ASTN1: variants seen among roughly 807,000 people sequenced by gnomAD.
ASTN1 encodes the protein astrotactin 1, also known as astrotactin-1.
A neutral mutation model predicts 140.7 loss-of-function variants in ASTN1; 41 were observed. The observed-to-expected ratio is 0.29, with a 90% CI of 0.23 to 0.38. The LOEUF (loss-of-function observed/expected upper bound fraction) is 0.38. ASTN1 is among the 10% of genes least tolerant of loss of function. The pLI is 1.00. For missense variants in ASTN1, 1,479 were observed against 1,678.8 expected, an observed-to-expected ratio of 0.88 and a Z score of 2.08; for synonymous variants, 640 against 652.2, an observed-to-expected ratio of 0.98 and a Z score of 0.29.
At chr1:177,113,772 A>C (rs1410403214) in intron 1 of ASTN1, among the ~76,000 whole-genome samples, 1 of 152,228 alleles carries the variant, frequency 6.6e-6, no homozygotes, top group Non-Finnish European at 1.5e-5. Flanking sequence ...TGCCCTGCAC[A>C]AACAGCTTAT....
chr1:176,866,772 G>T (rs576901233), intron 22 of ASTN1, among the ~76,000 whole-genome samples: 14 of 152,262 alleles, frequency 9.2e-5, no homozygotes, highest in African/African-American at 3.4e-4. Context: ...TCAATCTGGA[G>T]GCGTCATCAA....
intron 1 of ASTN1, among the ~76,000 whole-genome samples, chr1:177,064,997 A>T (rs567602922): frequency 1.3e-5 from 2 of 152,326 alleles, no homozygotes; most frequent in Admixed American, 6.5e-5. Flanking sequence ...ATATCTCAAG[A>T]AGAGGAAATG....
At chr1:177,148,640 T>C (rs916847353) in intron 1 of ASTN1, among the ~76,000 whole-genome samples, 3 of 151,728 alleles carry the variant, frequency 2.0e-5, no homozygotes, top group Non-Finnish European at 4.4e-5. Flanking sequence ...CTTTTTTTTT[T>C]AATGCACTAG....
rs546070672 is a variant in ASTN1, at chr1:176,939,470, A to G, written c.2378-3100T>C. 6.6e-5 allele frequency among the ~76,000 whole-genome samples: 10 copies of G among 152,312 alleles called. No individual in the cohort carries two copies. The South Asian group carries it at 1.7e-3, about 25-fold the overall frequency. On this transcript the variant is annotated intron_variant, in intron 14 of 22. Transcript: ENST00000361833. Reference sequence around the variant, plus strand: ...CACACCATAGTCAGGGAACACTTACATAACTGTTAATGCTTGGAAGTGTTT... The same window carrying G: ...CACACCATAGTCAGGGAACACTTACGTAACTGTTAATGCTTGGAAGTGTTT...
chr1:176,982,534 A>G (rs1385424792), intron 8 of ASTN1, among the ~76,000 whole-genome samples: 2 of 152,164 alleles, frequency 1.3e-5, no homozygotes, highest in Non-Finnish European at 2.9e-5. Flanking sequence ...TCTCGGGTCT[A>G]CAACCTACCA....
chr1:176,862,726 A>C lies in ASTN1; in HGVS notation c.*1558T>G, dbSNP rs1668008476. On this transcript the variant is annotated 3_prime_UTR_variant, in exon 23 of 23. Transcript: ENST00000361833. Reference sequence around the variant, plus strand: ...ACACTAAAATGGAGACAAGAATAGCACTTTCCTCAGGAGTTGCTGTGAGAA... The same window carrying C: ...ACACTAAAATGGAGACAAGAATAGCCCTTTCCTCAGGAGTTGCTGTGAGAA... 1.1e-6 allele frequency: 1 copy of C among 923,642 alleles called. No homozygotes were observed. Among genetic ancestry groups the C allele is most frequent in the African/African-American group, 1.8e-5 (1 of 55,906 alleles). 57.2% of individuals were successfully genotyped at this position (923,642 alleles called of 1,614,324 possible).
At chr1:177,068,063 G>T (rs1260148963) in intron 1 of ASTN1, among the ~76,000 whole-genome samples, 3 of 152,178 alleles carry the variant, frequency 2.0e-5, no homozygotes, top group Non-Finnish European at 4.4e-5. Flanking sequence ...TTGATGGTTT[G>T]CCTGAAGTTT....
chr1:177,081,660 T>A (rs1184676924), intron 1 of ASTN1, among the ~76,000 whole-genome samples: 1 of 152,082 alleles, frequency 6.6e-6, no homozygotes, highest in Non-Finnish European at 1.5e-5. Context: ...GCAGGGTGCC[T>A]TCTGAAGACA....
At chr1:176,911,840 C>T (rs977442446) in intron 16 of ASTN1, among the ~76,000 whole-genome samples, 2 of 152,212 alleles carry the variant, frequency 1.3e-5, no homozygotes, top group Non-Finnish European at 2.9e-5. Flanking sequence ...GTATTACGTA[C>T]TGTACATAAT....
chr1:176,882,083 G>A (rs530450103), intron 20 of ASTN1, among the ~76,000 whole-genome samples: 21 of 152,170 alleles, frequency 1.4e-4, no homozygotes, highest in Non-Finnish European at 2.1e-4. Flanking sequence ...ACATCTCTGC[G>A]TCACAAACAT....
intron 22 of ASTN1, among the ~76,000 whole-genome samples, chr1:176,868,137 A>C (rs1224426202): frequency 2.6e-5 from 4 of 152,176 alleles, no homozygotes; most frequent in African/African-American, 7.2e-5. Flanking sequence ...TATCTATCCA[A>C]AAATTTCAGT....
Position 177,103,774 on chromosome 1 carries a change from T to C in ASTN1, c.284-42509A>G, listed in dbSNP as rs564839351. On this transcript the variant is annotated intron_variant, in intron 1 of 22. Transcript: ENST00000361833. ...GAACCAGCCCCTGAAAAGTGGGTAT[T>C]ATCATTTTTAAAGAAATGAGGGTTA... Among the ~76,000 whole-genome samples the C allele has an allele frequency of 7.9e-5, 12 of 152,224 alleles. No homozygotes were observed. The East Asian group carries it at 2.1e-3, about 27-fold the overall frequency.
rs552709958 is a variant in ASTN1, at chr1:176,882,775, G to C, written c.3362+84C>G. ...CAACATGTTTTGCTGAGTCTCTAAAGGAACTCAAGTAGCAAGAAGAAACCG... is the reference window on the plus strand; with the variant it reads ...CAACATGTTTTGCTGAGTCTCTAAACGAACTCAAGTAGCAAGAAGAAACCG... On this transcript the variant is annotated intron_variant, in intron 20 of 22. Coordinates refer to ENST00000361833, the MANE Select transcript of ASTN1 (RefSeq NM_004319.3). 18 of 1,561,808 alleles carry C rather than the reference G, an allele frequency of 1.2e-5. No individual in the cohort carries two copies. The South Asian group carries it at 1.9e-4, about 17-fold the overall frequency.
intron 2 of ASTN1, among the ~76,000 whole-genome samples, chr1:177,046,803 G>A (rs1677252709): frequency 6.6e-6 from 1 of 152,180 alleles, no homozygotes. Flanking sequence ...GTTCAGTGGA[G>A]AAAAGGGAGC....
intron 1 of ASTN1, among the ~76,000 whole-genome samples, chr1:177,157,359 A>T (rs1321349819): frequency 2.6e-5 from 4 of 152,126 alleles, no homozygotes; most frequent in Non-Finnish European, 5.9e-5. Context: ...TCTGTTACCC[A>T]GGCCAGAATG....
chr1:177,053,926 C>G (rs1358092517), intron 2 of ASTN1, among the ~76,000 whole-genome samples: 1 of 152,162 alleles, frequency 6.6e-6, no homozygotes, highest in Non-Finnish European at 1.5e-5. Context: ...AATTTGTGTT[C>G]CATCATGGTT....
intron 1 of ASTN1, among the ~76,000 whole-genome samples, chr1:177,107,727 A>C (rs1329977965): frequency 6.6e-6 from 1 of 152,114 alleles, no homozygotes; most frequent in Non-Finnish European, 1.5e-5. Flanking sequence ...TGGCCAGAGC[A>C]CCTTGCTGTT....
At chr1:176,936,545 C>T (rs1671456213) in intron 14 of ASTN1, among the ~76,000 whole-genome samples, 175 bp from the exon 15 acceptor site, 1 of 152,160 alleles carries the variant, frequency 6.6e-6, no homozygotes, top group Non-Finnish European at 1.5e-5. Context: ...TTATTGAACC[C>T]TTACTCCATG....
intron 8 of ASTN1, among the ~76,000 whole-genome samples, chr1:176,973,821 T>C (rs556740286): frequency 2.7e-4 from 41 of 152,284 alleles, no homozygotes; most frequent in African/African-American, 9.6e-4. Flanking sequence ...CACTCCTGAC[T>C]AGAGTGCTGC....
Sources: allele counts gnomAD v4.1 joint callset (sites outside exome capture counted in the v4.1 genomes callset), GRCh38; gene constraint gnomAD v4.1.1; transcripts MANE v1.5; gene names NCBI Gene and HGNC (gene_info 2026-07-23, HGNC 2026-07-21).